The following SNX27 variants were observed in gnomAD, a reference collection of about 807,000 sequenced individuals.
The protein encoded by SNX27 is sorting nexin 27.
A neutral mutation model predicts 71.6 loss-of-function variants in SNX27; 22 were observed. The observed-to-expected ratio is 0.31, with a 90% CI of 0.22 to 0.44. SNX27 has a LOEUF of 0.44. Ranked by LOEUF, SNX27 falls within the 20% of genes least tolerant of loss-of-function variation. SNX27 has a pLI of 1.00. For synonymous variants in SNX27, 269 were observed against 277.2 expected, an observed-to-expected ratio of 0.97 and a Z score of 0.29; for missense variants, 531 against 698.6, an observed-to-expected ratio of 0.76 and a Z score of 2.70.
chr1:151,667,179 G>C (rs2102692004), intron 6 of SNX27: 1 of 135,466 alleles, frequency 7.4e-6, no homozygotes, highest in South Asian at 2.4e-4. Context: ...AGCCTAGGAG[G>C]TTAAGGCTAC....
rs771976858 is a variant in SNX27, at chr1:151,633,308, T to C, written c.312-5580T>C. 5.3e-4 allele frequency among the ~76,000 whole-genome samples: 80 copies of C among 152,074 alleles called. 1 individual carries two copies. The highest frequency in any genetic ancestry group is 2.3e-3 in the Admixed American group (35 of 15,270). ...TACAGACAGTTCCATCACTTTTTCT[T>C]TTTTTCCTGACACAGAGTCTCACTT... On this transcript the variant is annotated intron_variant, in intron 1 of 11. Coordinates refer to ENST00000458013, the MANE Select transcript of SNX27 (RefSeq NM_001330723.2).
chr1:151,655,170 T>C (rs1237970838), intron 2 of SNX27, among the ~76,000 whole-genome samples: 2 of 152,200 alleles, frequency 1.3e-5, no homozygotes, highest in Non-Finnish European at 2.9e-5. Context: ...CCTTTTTAGC[T>C]TTGTTTTTAA....
rs1669728678 is a variant in SNX27, at chr1:151,657,036, CAG to C, written c.544-1198_544-1197del. 2.0e-5 allele frequency among the ~76,000 whole-genome samples: 3 copies of C among 152,224 alleles called. No homozygotes were observed. In the East Asian group the frequency reaches 5.8e-4, roughly 29 times the overall value. Reference sequence around the variant, plus strand: ...TGATAACTTTTTGCGGTCAGAGAAACAGGGACATAAGGATGTGGAATAGAGGA... The same window carrying C: ...TGATAACTTTTTGCGGTCAGAGAAACGGACATAAGGATGTGGAATAGAGGA... On this transcript the variant is annotated intron_variant, in intron 2 of 11. Transcript: ENST00000458013.
chr1:151,639,651 C>T (rs897535920), intron 2 of SNX27, among the ~76,000 whole-genome samples: 8 of 152,214 alleles, frequency 5.3e-5, no homozygotes, highest in Non-Finnish European at 8.8e-5. Context: ...GTTTTTCCCA[C>T]GAGTTTCCTG....
chr1:151,657,081 G>A (rs1424464886), intron 2 of SNX27, among the ~76,000 whole-genome samples: 2 of 152,218 alleles, frequency 1.3e-5, no homozygotes, highest in African/African-American at 4.8e-5. Context: ...ACTATATGGT[G>A]TAAAGTAAAT....
intron 1 of SNX27, among the ~76,000 whole-genome samples, chr1:151,623,898 C>T (rs1448628373): frequency 6.6e-6 from 1 of 152,166 alleles, no homozygotes; most frequent in Non-Finnish European, 1.5e-5. Flanking sequence ...TTTAAGACCT[C>T]ACTGGTAATT....
At chr1:151,659,209 G>A (rs893116683) in intron 3 of SNX27, among the ~76,000 whole-genome samples, 4 of 151,970 alleles carry the variant, frequency 2.6e-5, no homozygotes, top group African/African-American at 9.7e-5. Flanking sequence ...CAGGCTAAAG[G>A]TAGATACTAA....
chr1:151,627,643 G>A lies in SNX27; in HGVS notation c.312-11245G>A, dbSNP rs141059029. ...GGGTTTCGCCATGATGCCCAGGCTG[G>A]TCTCGAACTCCTGGGCTCAAACAGT... On this transcript the variant is annotated intron_variant, in intron 1 of 11. Coordinates refer to ENST00000458013, the MANE Select transcript of SNX27 (RefSeq NM_001330723.2). Among the ~76,000 whole-genome samples the A allele has an allele frequency of 3.8e-3, 582 of 152,128 alleles. 7 individuals carry two copies. Among genetic ancestry groups the A allele is most frequent in the African/African-American group, 0.013 (521 of 41,522 alleles).
chr1:151,686,193 C>T (rs1356738471), intron 8 of SNX27, among the ~76,000 whole-genome samples: 1 of 152,168 alleles, frequency 6.6e-6, no homozygotes, highest in Non-Finnish European at 1.5e-5. Flanking sequence ...GGAATACATA[C>T]TGTTTCTTTG....
chr1:151,656,074 T>C (rs1276878934), intron 2 of SNX27, among the ~76,000 whole-genome samples: 1 of 151,808 alleles, frequency 6.6e-6, no homozygotes, highest in Non-Finnish European at 1.5e-5. Context: ...ATACAAAAAA[T>C]TAGCCGGCCA....
intron 1 of SNX27, 69 bp from the exon 2 acceptor site, chr1:151,638,819 A>C: frequency 7.2e-7 from 1 of 1,393,780 alleles, no homozygotes; most frequent in Non-Finnish European, 1.0e-6. Flanking sequence ...TTTGGGCAGG[A>C]GGGTGGAGAT....
At chr1:151,683,594 C>CCT in intron 8 of SNX27, 149 bp downstream of exon 8, 1 of 443,448 alleles carries the variant, frequency 2.3e-6, no homozygotes, top group Non-Finnish European at 4.2e-6. Context: ...ATGCAAAGTC[C>CCT]ATTGTGTTTC....
chr1:151,612,474 T>C lies in SNX27; in HGVS notation c.273T>C (p.Asp91=). The C allele has an allele frequency of 7.1e-7, 1 of 1,418,050 alleles. No individual in the cohort carries two copies. 87.8% of individuals were successfully genotyped at this position (1,418,050 alleles called of 1,614,324 possible). The change falls in exon 1 of 12, where the codon GAT becomes GAC. Residue 91 remains aspartate (D), a synonymous_variant. Coordinates refer to ENST00000458013, the MANE Select transcript of SNX27 (RefSeq NM_001330723.2). This position sits in a 1 kb window ranked among gnomAD's most constrained non-coding sequence, Gnocchi z 5.2. ...VSAVLPGGAA[D]RAGVRKGDRI... Reference sequence around the variant, plus strand: ...CCGTGCTGCCCGGGGGGGCGGCCGATCGGGCCGGGGTGCGCAAGGGGGACC... The same window carrying C: ...CCGTGCTGCCCGGGGGGGCGGCCGACCGGGCCGGGGTGCGCAAGGGGGACC...
intron 1 of SNX27, among the ~76,000 whole-genome samples, chr1:151,620,630 T>C (rs1282629155): frequency 6.6e-6 from 1 of 152,174 alleles, no homozygotes; most frequent in African/African-American, 2.4e-5. Flanking sequence ...CATCCTTGTG[T>C]GCTACAAGCC....
intron 1 of SNX27, among the ~76,000 whole-genome samples, chr1:151,635,396 A>G (rs949085058): frequency 6.6e-6 from 1 of 152,162 alleles, no homozygotes; most frequent in Admixed American, 6.5e-5. Context: ...AGTCTGTTTG[A>G]CTCCCAAACC....
intron 8 of SNX27, among the ~76,000 whole-genome samples, chr1:151,688,446 G>C (rs1671285753): frequency 1.3e-5 from 2 of 152,064 alleles, no homozygotes; most frequent in South Asian, 4.1e-4. Context: ...AGCCTGGCCA[G>C]CATGGTGAAA....
intron 1 of SNX27, among the ~76,000 whole-genome samples, chr1:151,617,884 T>G (rs1024950550): frequency 6.8e-6 from 1 of 146,128 alleles, no homozygotes; most frequent in African/African-American, 2.7e-5. Context: ...AGCTGTTTTT[T>G]TTTTTTTTTT....
intron 7 of SNX27, among the ~76,000 whole-genome samples, chr1:151,671,163 A>G (rs1268793119): frequency 2.0e-5 from 3 of 151,270 alleles, no homozygotes; most frequent in Non-Finnish European, 4.4e-5. Flanking sequence ...TTATGCCAGT[A>G]CCATGCTGTT....
At chr1:151,657,569 G>A (rs1413364115) in intron 2 of SNX27, among the ~76,000 whole-genome samples, 3 of 152,058 alleles carry the variant, frequency 2.0e-5, no homozygotes, top group Admixed American at 1.3e-4. Flanking sequence ...ATCAACCCTA[G>A]GTTTTCAGCT....
Sources: gnomAD v4.1 joint callset for allele counts (sites outside exome capture counted in the v4.1 genomes callset) on GRCh38, gnomAD v4.1.1 for gene constraint, Gnocchi (gnomAD v3.1) non-coding constraint, MANE v1.5 for transcripts, NCBI Gene and HGNC (gene_info 2026-07-23, HGNC 2026-07-21) for gene names.